Variants in CDH4 observed in about 807,000 individuals in gnomAD.
The protein encoded by CDH4 is cadherin 4.
Under a neutral mutation model 86.0 loss-of-function variants are expected in CDH4, and 33 were observed. That is an observed-to-expected ratio of 0.38 (90% CI 0.29 to 0.51). CDH4 has a LOEUF of 0.51. Ranked by LOEUF, CDH4 falls within the 20% of genes least tolerant of loss-of-function variation. The pLI, the probability that CDH4 is intolerant of heterozygous loss-of-function variation, is 0.86. For missense variants in CDH4, 1,114 were observed against 1,307.4 expected, an observed-to-expected ratio of 0.85 and a Z score of 2.28; for synonymous variants, 555 against 549.4, an observed-to-expected ratio of 1.01 and a Z score of -0.14.
At chr20:61,256,896 T>G (rs1296699631) in intron 2 of CDH4, among the ~76,000 whole-genome samples, 1 of 152,032 alleles carries the variant, frequency 6.6e-6, no homozygotes, top group Non-Finnish European at 1.5e-5. Context: ...AAGAAAGAGA[T>G]GTTTTATATC....
chr20:61,827,747 A>G (rs1477144824), intron 4 of CDH4, among the ~76,000 whole-genome samples: 1 of 152,192 alleles, frequency 6.6e-6, no homozygotes, highest in African/African-American at 2.4e-5. Flanking sequence ...ACAAGATGAG[A>G]CCAAAACACT....
At chr20:61,314,660 T>C (rs557449819) in intron 2 of CDH4, among the ~76,000 whole-genome samples, 1 of 152,322 alleles carries the variant, frequency 6.6e-6, no homozygotes, top group East Asian at 1.9e-4. Context: ...CTGGATCGTA[T>C]GGTAGTTCTA....
chr20:61,638,027 G>A (rs964124129), intron 2 of CDH4, among the ~76,000 whole-genome samples: 5 of 37,204 alleles, frequency 1.3e-4, no homozygotes, highest in South Asian at 1.1e-3. Context: ...ATAAAACTCC[G>A]TCTAAAAAAA....
chr20:61,667,599 T>C (rs1448106751), intron 2 of CDH4, among the ~76,000 whole-genome samples: 1 of 152,122 alleles, frequency 6.6e-6, no homozygotes, highest in Non-Finnish European at 1.5e-5. Context: ...ACACACACCC[T>C]GGGAGGTGAT....
intron 8 of CDH4, among the ~76,000 whole-genome samples, chr20:61,896,832 G>T (rs1231672293): frequency 6.6e-6 from 1 of 152,208 alleles, no homozygotes; most frequent in Non-Finnish European, 1.5e-5. Context: ...GCCCAAGAGC[G>T]CAGCAGGGCT....
At chr20:61,710,828 C>T (rs759995306) in intron 2 of CDH4, among the ~76,000 whole-genome samples, 23 of 152,196 alleles carry the variant, frequency 1.5e-4, no homozygotes, top group South Asian at 4.1e-4. Flanking sequence ...CTCGAAGTGC[C>T]GAGAGACCAT....
At chr20:61,258,065 C>G (rs2084108676) in intron 2 of CDH4, among the ~76,000 whole-genome samples, 1 of 152,094 alleles carries the variant, frequency 6.6e-6, no homozygotes, top group South Asian at 2.1e-4. Context: ...TGCGGTGGCT[C>G]ACGCCTGTAA....
chr20:61,506,664 G>A (rs1376109269), intron 2 of CDH4, among the ~76,000 whole-genome samples: 1 of 152,180 alleles, frequency 6.6e-6, no homozygotes, highest in South Asian at 2.1e-4. Context: ...AGATGAGTCG[G>A]CCTGCAGGAG....
Position 61,932,987 on chromosome 20 carries a change from A to G in CDH4, c.2242A>G (p.Met748Val), listed in dbSNP as rs1279167836. 5 of 1,612,306 alleles carry G rather than the reference A, an allele frequency of 3.1e-6. No individual in the cohort carries two copies. The highest frequency in any genetic ancestry group is 2.2e-5 in the East Asian group (1 of 44,856). The change falls in exon 14 of 16, where the codon ATG (methionine) becomes GTG (valine). Residue 748 changes from methionine to valine, a missense_variant and splice_region_variant. Met to Val is a conservative substitution (Grantham distance 21). This residue lies in a region of CDH4 where 705 missense variants were observed against 914.1 expected (regional missense o/e 0.77). Transcript: ENST00000614565. ...TCACGGGCAGCCCTCCCCCACAGCC[A>G]TGGTCCTGCTGTTTGTCATGTGGAT... is the stretch of plus-strand genomic sequence containing the variant. The part of the protein sequence containing the change: ...ILICILILLT[M>V]VLLFVMWMKR...
intron 2 of CDH4, among the ~76,000 whole-genome samples, chr20:61,678,032 GTAGA>G (rs989279987): frequency 1.1e-4 from 17 of 152,178 alleles, no homozygotes; most frequent in Admixed American, 2.6e-4. Context: ...GGATAAATAG[GTAGA>G]TAGATGGATG....
intron 2 of CDH4, among the ~76,000 whole-genome samples, chr20:61,294,491 C>G (rs1031187636): frequency 2.0e-5 from 3 of 152,254 alleles, no homozygotes; most frequent in African/African-American, 7.2e-5. Context: ...TCCCATCACC[C>G]TCCACCCTAT....
At chr20:61,734,092 G>T (rs1022347575) in intron 2 of CDH4, among the ~76,000 whole-genome samples, 1 of 152,228 alleles carries the variant, frequency 6.6e-6, no homozygotes, top group Non-Finnish European at 1.5e-5. Context: ...CTCCTAATGA[G>T]GGGAGCTGCC....
intron 2 of CDH4, among the ~76,000 whole-genome samples, chr20:61,609,538 CCT>C (rs2086669255): frequency 1.3e-5 from 2 of 152,200 alleles, no homozygotes; most frequent in Non-Finnish European, 2.9e-5. Flanking sequence ...GTGGCCCTCC[CCT>C]GAGGGAGGGA....
At chr20:61,402,301 T>C (rs2085053826) in intron 2 of CDH4, among the ~76,000 whole-genome samples, 1 of 152,184 alleles carries the variant, frequency 6.6e-6, no homozygotes, top group Non-Finnish European at 1.5e-5. Context: ...TAATACCAAA[T>C]GCAATGTAAA....
At chr20:61,706,545 G>A (rs367804768) in intron 2 of CDH4, among the ~76,000 whole-genome samples, 18 of 152,326 alleles carry the variant, frequency 1.2e-4, no homozygotes, top group African/African-American at 4.1e-4. Context: ...GAGGAAGAAC[G>A]GATGGAAAGG....
intron 5 of CDH4, among the ~76,000 whole-genome samples, chr20:61,848,406 CTG>C (rs1982558041): frequency 6.6e-6 from 1 of 152,254 alleles, no homozygotes; most frequent in African/African-American, 2.4e-5. Flanking sequence ...GGGTCTCGCT[CTG>C]TCACTCAGGC....
At chr20:61,695,071 A>T (rs1288566566) in intron 2 of CDH4, among the ~76,000 whole-genome samples, 8 of 152,242 alleles carry the variant, frequency 5.3e-5, no homozygotes, top group Non-Finnish European at 1.2e-4. Context: ...GCCTGGCTGC[A>T]TAGAAGGATC....
At chr20:61,325,688 G>A (rs1002777638) in intron 2 of CDH4, among the ~76,000 whole-genome samples, 8 of 152,002 alleles carry the variant, frequency 5.3e-5, no homozygotes, top group African/African-American at 1.9e-4. Flanking sequence ...CGACAGGAAG[G>A]GTTGAAAATG....
At chr20:61,406,395 G>T (rs551680408) in intron 2 of CDH4, among the ~76,000 whole-genome samples, 3 of 149,676 alleles carry the variant, frequency 2.0e-5, no homozygotes, top group Non-Finnish European at 4.4e-5. Flanking sequence ...ACCACTGTCT[G>T]CTCTGCCCAG....
Sources: allele counts gnomAD v4.1 joint callset (sites outside exome capture counted in the v4.1 genomes callset), GRCh38; gene constraint gnomAD v4.1.1; regional missense constraint gnomAD v4.1.1; transcripts MANE v1.5; gene names NCBI Gene and HGNC (gene_info 2026-07-23, HGNC 2026-07-21).